MAP2: variants seen among roughly 807,000 people sequenced by gnomAD.
The protein encoded by MAP2 is microtubule associated protein 2, also known as microtubule-associated protein 2.
In MAP2, 14 loss-of-function variants were observed where a neutral mutation model predicts 137.6. The ratio of observed to expected loss-of-function variants is 0.10; its 90% CI spans 0.07 to 0.16. MAP2 has a LOEUF of 0.16. Ranked by LOEUF, MAP2 falls within the 10% of genes least tolerant of loss-of-function variation. The pLI is 1.00. For synonymous variants in MAP2, 786 were observed against 782.3 expected, an observed-to-expected ratio of 1.00 and a Z score of -0.08; for missense variants, 2,088 against 2,191.5, an observed-to-expected ratio of 0.95 and a Z score of 0.94.
chr2:209,628,270 A>G (rs1266059016), intron 4 of MAP2, among the ~76,000 whole-genome samples: 1 of 152,022 alleles, frequency 6.6e-6, no homozygotes, highest in Non-Finnish European at 1.5e-5. Flanking sequence ...GAGGCTGAAG[A>G]AGGAGAATCG....
rs184693610 is a variant in MAP2 at position 209,556,587 on chromosome 2, G to A, written c.-171-23449G>A. ...AGAGAGAAATGTGAGGCCTAAACAT[G>A]GGTGCCAGATTTCAACCTGAAACAC... On this transcript the variant is annotated intron_variant, in intron 2 of 15. Transcript: ENST00000682079. Among the ~76,000 whole-genome samples the A allele has an allele frequency of 1.9e-3, 292 of 151,000 alleles. 8 individuals carry two copies. The highest frequency in any genetic ancestry group is 0.019 in the Admixed American group (292 of 15,146).
rs574370378 is a variant in MAP2 at position 209,619,249 on chromosome 2, C to T, written c.-106-5804C>T. The stretch of plus-strand genomic sequence containing the variant: ...GTAGTTAATAACAATATATTGTATT[C>T]CTGAAAAATGTTAACAGAATAGATT... On this transcript the variant is annotated intron_variant, in intron 3 of 15. Transcript: ENST00000682079. 9.9e-5 allele frequency among the ~76,000 whole-genome samples: 15 copies of T among 152,042 alleles called. No individual in the cohort carries two copies. The South Asian group carries it at 3.1e-3, about 32-fold the overall frequency.
Position 209,694,789 on chromosome 2 carries a change from T to C in MAP2, c.2619T>C (p.Asn873=), listed in dbSNP as rs1358273425. ...QLEDLGYCVF[N]KYTVPLPSPV... ...AAGACCTGGGCTACTGTGTGTTCAA[T>C]AAGTACACAGTCCCATTGCCATCAC... Residue 873 remains asparagine (N), a synonymous_variant, in exon 8 of 16, where the codon AAT becomes AAC. Transcript: ENST00000682079. The C allele has an allele frequency of 6.2e-7, 1 of 1,614,172 alleles. No homozygotes were observed. The highest frequency in any genetic ancestry group is 8.5e-7 in the Non-Finnish European group (1 of 1,180,028).
intron 2 of MAP2, among the ~76,000 whole-genome samples, chr2:209,540,168 G>T (rs1265812092): frequency 6.9e-6 from 1 of 144,838 alleles, no homozygotes; most frequent in African/African-American, 2.5e-5. Flanking sequence ...ATCTGTTATT[G>T]TGAGCTTGAA....
chr2:209,465,376 T>C (rs1210326572), intron 1 of MAP2, among the ~76,000 whole-genome samples: 2 of 152,172 alleles, frequency 1.3e-5, no homozygotes, highest in Non-Finnish European at 2.9e-5. Flanking sequence ...TAACATTTGC[T>C]ATAAATATTT....
At chr2:209,593,184 A>G (rs983953139) in intron 3 of MAP2, among the ~76,000 whole-genome samples, 6 of 152,110 alleles carry the variant, frequency 3.9e-5, no homozygotes, top group African/African-American at 1.4e-4. Context: ...TGTAAATAAC[A>G]TTCTTTCAAA....
intron 1 of MAP2, among the ~76,000 whole-genome samples, chr2:209,486,549 AAGATGC>A (rs1370383380): frequency 5.9e-5 from 9 of 152,144 alleles, no homozygotes; most frequent in Non-Finnish European, 1.2e-4. Context: ...CAGTAGAATA[AAGATGC>A]AGATATGTCT....
intron 1 of MAP2, among the ~76,000 whole-genome samples, chr2:209,471,600 T>G (rs113384045): frequency 2.6e-5 from 4 of 152,268 alleles, no homozygotes; most frequent in African/African-American, 9.6e-5. Flanking sequence ...TGGGAACTTT[T>G]TAACCTAGTA....
intron 7 of MAP2, chr2:209,690,760 T>A (rs2058615193): frequency 1.6e-6 from 2 of 1,289,678 alleles, no homozygotes; most frequent in Non-Finnish European, 2.0e-6. Context: ...CCGAAGAGAG[T>A]GCCCCAGCAG....
chr2:209,682,714 A>G (rs747147570), intron 7 of MAP2, among the ~76,000 whole-genome samples: 7 of 152,106 alleles, frequency 4.6e-5, no homozygotes, highest in Non-Finnish European at 8.8e-5. Flanking sequence ...AAAAAAGCAC[A>G]AGGGCGCTCA....
At chr2:209,503,353 TC>T (rs1411941525) in intron 1 of MAP2, among the ~76,000 whole-genome samples, 6 of 152,090 alleles carry the variant, frequency 3.9e-5, no homozygotes, top group Non-Finnish European at 7.4e-5. Flanking sequence ...AAATATTTTC[TC>T]CCATTCTCTA....
chr2:209,515,138 C>G (rs558723077), intron 2 of MAP2, among the ~76,000 whole-genome samples: 2 of 152,052 alleles, frequency 1.3e-5, no homozygotes, highest in Non-Finnish European at 2.9e-5. Context: ...TCTTCATTTT[C>G]TTTCTTTCGA....
chr2:209,574,244 G>A (rs2074926096), intron 2 of MAP2, among the ~76,000 whole-genome samples: 1 of 152,046 alleles, frequency 6.6e-6, no homozygotes, highest in South Asian at 2.1e-4. Context: ...GGTAACCACA[G>A]TTTTGTTCAC....
At chr2:209,680,287 A>G (rs966293029) in intron 6 of MAP2, among the ~76,000 whole-genome samples, 17 of 152,166 alleles carry the variant, frequency 1.1e-4, no homozygotes, top group African/African-American at 4.1e-4. Context: ...TAAAATAACT[A>G]TTAGTGATCA....
chr2:209,514,497 A>G (rs191351915), intron 2 of MAP2, among the ~76,000 whole-genome samples: 1 of 152,244 alleles, frequency 6.6e-6, no homozygotes, highest in East Asian at 1.9e-4. Context: ...CTGACCAGCT[A>G]ATCTTTATTC....
intron 13 of MAP2, among the ~76,000 whole-genome samples, chr2:209,717,467 T>G (rs1473452927): frequency 6.6e-6 from 1 of 152,190 alleles, no homozygotes; most frequent in Non-Finnish European, 1.5e-5. Flanking sequence ...AATCATATTG[T>G]TACCCTCGGA....
At chr2:209,723,085 G>C (rs1474274237) in intron 13 of MAP2, among the ~76,000 whole-genome samples, 1 of 152,206 alleles carries the variant, frequency 6.6e-6, no homozygotes, top group East Asian at 1.9e-4. Context: ...CTGATGTAGA[G>C]CATTCACCAT....
chr2:209,569,122 G>A (rs1578532055), intron 2 of MAP2, among the ~76,000 whole-genome samples: 1 of 151,646 alleles, frequency 6.6e-6, no homozygotes, highest in African/African-American at 2.4e-5. Context: ...AGGAAGAGGG[G>A]TTACTCAAAC....
At chr2:209,715,482 A>G (rs966050425) in intron 13 of MAP2, among the ~76,000 whole-genome samples, 1 of 152,146 alleles carries the variant, frequency 6.6e-6, no homozygotes, top group Non-Finnish European at 1.5e-5. Flanking sequence ...GCCATCATGG[A>G]ATTTACATTC....
Sources: allele counts gnomAD v4.1 joint callset (sites outside exome capture counted in the v4.1 genomes callset), GRCh38; gene constraint gnomAD v4.1.1; transcripts MANE v1.5; gene names NCBI Gene and HGNC (gene_info 2026-07-23, HGNC 2026-07-21).